Variants in DPYSL5 observed in about 807,000 individuals in gnomAD.
The protein encoded by DPYSL5 is dihydropyrimidinase like 5, also known as dihydropyrimidinase-related protein 5.
Under a neutral mutation model 58.4 loss-of-function variants are expected in DPYSL5, and 9 were observed. The observed-to-expected ratio is 0.15, with a 90% CI of 0.09 to 0.27. The LOEUF (loss-of-function observed/expected upper bound fraction) is 0.27, where lower values mean the gene tolerates loss of function less well. DPYSL5 is among the 10% of genes least tolerant of loss of function. The probability of loss-of-function intolerance (pLI) is 1.00; values close to 1 mark genes in which losing one functional copy is unlikely to be tolerated. For missense variants in DPYSL5, 499 were observed against 770.6 expected (o/e 0.65, Z 4.17); for synonymous variants, 293 against 301.9 (o/e 0.97, Z 0.31).
intron 1 of DPYSL5, among the ~76,000 whole-genome samples, chr2:26,860,221 G>A (rs1665977093): frequency 2.6e-5 from 4 of 152,154 alleles, no homozygotes; most frequent in South Asian, 4.1e-4. Flanking sequence ...ACATATAAAT[G>A]TATATAAAAA....
At chr2:26,856,891 A>G (rs984944808) in intron 1 of DPYSL5, among the ~76,000 whole-genome samples, 3 of 148,018 alleles carry the variant, frequency 2.0e-5, no homozygotes, top group Non-Finnish European at 4.5e-5. Context: ...AAAATTATAT[A>G]TATTATATAT....
At chr2:26,868,984 A>T (rs1158397426) in intron 1 of DPYSL5, among the ~76,000 whole-genome samples, 5 of 151,970 alleles carry the variant, frequency 3.3e-5, no homozygotes, top group Admixed American at 6.6e-5. Flanking sequence ...TTGTTTTTTG[A>T]GACAGGGTCT....
rs1665136167 is a variant in DPYSL5, at chr2:26,934,985, G to A, written c.947+251G>A. ...ATAGAACTGTGAACCGTGGTTATTC[G>A]GAATTTCAAAGGACATTGATCTCTT... On this transcript the variant is annotated intron_variant, in intron 8 of 12. Transcript: ENST00000288699. The surrounding 1 kb of genome is among the most constrained non-coding windows in gnomAD (Gnocchi z 4.3). Among the ~76,000 whole-genome samples the A allele has an allele frequency of 6.6e-6, 1 of 151,782 alleles. No individual in the cohort carries two copies. Among genetic ancestry groups the A allele is most frequent in the Non-Finnish European group, 1.5e-5 (1 of 67,772 alleles).
In DPYSL5 at chr2:26,942,381, G is replaced by A. The variant is rs947708023; in HGVS notation, c.1233-162G>A. Among the ~76,000 whole-genome samples the A allele has an allele frequency of 2.1e-4, 32 of 152,132 alleles. No homozygotes were observed. Among genetic ancestry groups the A allele is most frequent in the African/African-American group, 7.7e-4 (32 of 41,410 alleles). On this transcript the variant is annotated intron_variant, in intron 10 of 12. Coordinates refer to ENST00000288699, the MANE Select transcript of DPYSL5 (RefSeq NM_020134.4). The surrounding 1 kb of genome is among the most constrained non-coding windows in gnomAD (Gnocchi z 5.9). ...GATTACATTAAAGGCCCTAAATAGT[G>A]CCATGTTCTGAGGTTCTGGGTGTTA...
At chr2:26,894,118 G>A (rs1488758179) in intron 1 of DPYSL5, among the ~76,000 whole-genome samples, 1 of 149,652 alleles carries the variant, frequency 6.7e-6, no homozygotes, top group Non-Finnish European at 1.5e-5. Flanking sequence ...TATTATTATA[G>A]ATAATTCCTT....
chr2:26,892,791 GAGAA>G (rs1192218972), intron 1 of DPYSL5, among the ~76,000 whole-genome samples: 1 of 149,000 alleles, frequency 6.7e-6, no homozygotes, highest in East Asian at 1.9e-4. Context: ...GAGAGAGAGA[GAGAA>G]TGCATCTCAG....
Position 26,925,453 on chromosome 2 carries a change from C to T in DPYSL5, c.420+408C>T, listed in dbSNP as rs1034555747. On this transcript the variant is annotated intron_variant, in intron 3 of 12. Coordinates refer to ENST00000288699, the MANE Select transcript of DPYSL5 (RefSeq NM_020134.4). The surrounding 1 kb of genome is among the most constrained non-coding windows in gnomAD (Gnocchi z 4.5). ...TGTGTACTGAGAGTCCACCACACTG[C>T]GCTGAGGTCTCCGAACTGAGGCTCC... Among the ~76,000 whole-genome samples the T allele has an allele frequency of 5.9e-5, 9 of 152,170 alleles. No individual in the cohort carries two copies. Among genetic ancestry groups the T allele is most frequent in the Admixed American group, 4.6e-4 (7 of 15,284 alleles).
intron 2 of DPYSL5, among the ~76,000 whole-genome samples, chr2:26,918,663 C>A (rs1664634958): frequency 6.6e-6 from 1 of 152,180 alleles, no homozygotes; most frequent in Admixed American, 6.5e-5. Flanking sequence ...CAGAGCACAT[C>A]CACTCGTCAT....
intron 1 of DPYSL5, among the ~76,000 whole-genome samples, chr2:26,887,462 G>A (rs966557709): frequency 1.3e-5 from 2 of 152,324 alleles, no homozygotes; most frequent in Non-Finnish European, 1.5e-5. Flanking sequence ...TGGGGAAGGC[G>A]ATGACAGAAG....
intron 1 of DPYSL5, among the ~76,000 whole-genome samples, chr2:26,861,562 G>A (rs150289836): frequency 7.9e-5 from 12 of 152,298 alleles, no homozygotes; most frequent in African/African-American, 2.2e-4. Flanking sequence ...GAGTGGTATC[G>A]GTGCAGAGAG....
chr2:26,895,591 C>A (rs962115551), intron 1 of DPYSL5, among the ~76,000 whole-genome samples: 1 of 151,930 alleles, frequency 6.6e-6, no homozygotes, highest in Non-Finnish European at 1.5e-5. Flanking sequence ...CACTTGATAG[C>A]CATACTCAAA....
rs1009060719 is a variant in DPYSL5, at chr2:26,948,810, T to A, written c.*1815T>A. On this transcript the variant is annotated 3_prime_UTR_variant, in exon 13 of 13. Transcript: ENST00000288699. ...AGGCGGAGCTTGCAGTGAGCCAAGA[T>A]CACGCCACTGCACTTCAGCCTGGAC... 1 of 152,464 alleles carries A rather than the reference T, an allele frequency of 6.6e-6. No individual in the cohort carries two copies. Among genetic ancestry groups the A allele is most frequent in the African/African-American group, 2.4e-5 (1 of 41,416 alleles). The allele number at this position is 152,464 out of a possible 1,614,324, so 9.4% of individuals were successfully genotyped here. A position where few individuals can be genotyped will look rare whatever the true frequency, so the allele number is the denominator to read the frequency against.
chr2:26,861,452 T>C (rs940196427), intron 1 of DPYSL5, among the ~76,000 whole-genome samples: 2 of 152,222 alleles, frequency 1.3e-5, no homozygotes, highest in African/African-American at 4.8e-5. Context: ...ATACCTGCAC[T>C]GGGCCAGGTG....
At chr2:26,923,134 C>A (rs994156308) in intron 2 of DPYSL5, among the ~76,000 whole-genome samples, 1 of 152,134 alleles carries the variant, frequency 6.6e-6, no homozygotes, top group Admixed American at 6.5e-5. Flanking sequence ...AAGACAATTT[C>A]ATGGAGCTCT....
rs1241996199 is a variant in DPYSL5 at position 26,948,203 on chromosome 2, G to A, written c.*1208G>A. The A allele has an allele frequency of 1.3e-5, 2 of 152,376 alleles. No individual in the cohort carries two copies. The highest frequency in any genetic ancestry group is 4.8e-5 in the African/African-American group (2 of 41,452). The allele number at this position is 152,376 out of a possible 1,614,324, so 9.4% of individuals were successfully genotyped here. ...GGCCTCATGCCTGCTGAGAGAGGAG[G>A]AGTGGGAGAGGGGCTTGCCAGACAC... On this transcript the variant is annotated 3_prime_UTR_variant, in exon 13 of 13. Transcript: ENST00000288699.
rs1453447516 is a variant in DPYSL5, at chr2:26,849,097, C to T, written c.-5+843C>T. On this transcript the variant is annotated intron_variant, in intron 1 of 12. Transcript: ENST00000288699. The surrounding 1 kb of genome is among the most constrained non-coding windows in gnomAD (Gnocchi z 6.2). Reference sequence around the variant, plus strand: ...AGCTGGGTTAGGACAGGTAGTGGGTCTCGGGGAGCAGGGAGTGGGAACTAG... The same window carrying T: ...AGCTGGGTTAGGACAGGTAGTGGGTTTCGGGGAGCAGGGAGTGGGAACTAG... 7.2e-6 allele frequency among the ~76,000 whole-genome samples: 1 copy of T among 139,418 alleles called. No individual in the cohort carries two copies. The highest frequency in any genetic ancestry group is 1.6e-5 in the Non-Finnish European group (1 of 64,330). 91.5% of individuals were successfully genotyped at this position (139,418 alleles called of 152,430 possible).
chr2:26,880,697 C>T (rs912885702), intron 1 of DPYSL5, among the ~76,000 whole-genome samples: 1 of 152,228 alleles, frequency 6.6e-6, no homozygotes, highest in African/African-American at 2.4e-5. Flanking sequence ...CAAACACCCA[C>T]AACCAGCACA....
In DPYSL5 at chr2:26,942,588, G is replaced by A; in HGVS notation, c.1278G>A (p.Leu426=). 2 of 1,614,144 alleles carry A rather than the reference G, an allele frequency of 1.2e-6. No homozygotes were observed. The highest frequency in any genetic ancestry group is 1.7e-6 in the Non-Finnish European group (2 of 1,180,026). ...STQVQGGDFN[L]YENMRCHGVP... ...AGGTCCAGGGAGGAGACTTCAACCT[G>A]TATGAGAACATGCGCTGCCACGGCG... Residue 426 remains leucine, a synonymous_variant, in exon 11 of 13, where the codon CTG becomes CTA. Coordinates refer to ENST00000288699, the MANE Select transcript of DPYSL5 (RefSeq NM_020134.4). This position sits in a 1 kb window ranked among gnomAD's most constrained non-coding sequence, Gnocchi z 5.9.
chr2:26,895,568 TG>T (rs1663989701), intron 1 of DPYSL5, among the ~76,000 whole-genome samples: 1 of 152,158 alleles, frequency 6.6e-6, no homozygotes, highest in Admixed American at 6.5e-5. Context: ...CCTCATATAA[TG>T]AGAGGTTAGA....
Sources: gnomAD v4.1 joint callset for allele counts (sites outside exome capture counted in the v4.1 genomes callset) on GRCh38, gnomAD v4.1.1 for gene constraint, Gnocchi (gnomAD v3.1) non-coding constraint, MANE v1.5 for transcripts, NCBI Gene and HGNC (gene_info 2026-07-23, HGNC 2026-07-21) for gene names.